Variants in CEMIP2 observed in about 807,000 individuals in gnomAD.
CEMIP2 encodes cell migration inducing hyaluronidase 2.
In CEMIP2, 79 loss-of-function variants were observed where a neutral mutation model predicts 146.9. The ratio of observed to expected loss-of-function variants is 0.54; its 90% CI spans 0.45 to 0.65. CEMIP2 has a LOEUF of 0.65. Ranked by LOEUF, CEMIP2 falls within the 30% of genes least tolerant of loss-of-function variation. The probability of loss-of-function intolerance (pLI) is 0.00; values close to 1 mark genes in which losing one functional copy is unlikely to be tolerated. For missense variants in CEMIP2, 1,596 were observed against 1,696.2 expected, an observed-to-expected ratio of 0.94 and a Z score of 1.04; for synonymous variants, 601 against 606.3, an observed-to-expected ratio of 0.99 and a Z score of 0.13.
chr9:71,703,417 A>G (rs970360702), intron 18 of CEMIP2, among the ~76,000 whole-genome samples: 6 of 152,198 alleles, frequency 3.9e-5, no homozygotes, highest in African/African-American at 1.4e-4. Context: ...AGCCCTAACA[A>G]TCTCAGAACA....
chr9:71,713,653 T>C (rs1370566130), intron 15 of CEMIP2, among the ~76,000 whole-genome samples: 1 of 152,158 alleles, frequency 6.6e-6, no homozygotes, highest in African/African-American at 2.4e-5. Flanking sequence ...ACCATCACAT[T>C]GCAGCCCATA....
At chr9:71,688,580 G>A (rs1042830296) in intron 22 of CEMIP2, among the ~76,000 whole-genome samples, 5 of 151,544 alleles carry the variant, frequency 3.3e-5, no homozygotes, top group African/African-American at 1.2e-4. Context: ...TAGAGATGAG[G>A]TTTCACCATG....
chr9:71,764,914 TCTTC>T (rs1824742547), intron 1 of CEMIP2, among the ~76,000 whole-genome samples: 1 of 139,596 alleles, frequency 7.2e-6, no homozygotes, highest in South Asian at 2.4e-4. Context: ...GCATAGCTTT[TCTTC>T]CTTTTTTTTT....
chr9:71,726,557 T>A (rs1340491966), intron 10 of CEMIP2, among the ~76,000 whole-genome samples: 1 of 152,200 alleles, frequency 6.6e-6, no homozygotes, highest in Non-Finnish European at 1.5e-5. Flanking sequence ...TATTCTCAAA[T>A]AATTCATAGT....
At chr9:71,704,271 G>A (rs1269271756) in intron 18 of CEMIP2, 1 of 282,100 alleles carries the variant, frequency 3.5e-6, no homozygotes, top group Non-Finnish European at 6.8e-6. Context: ...GTAAGCAAAT[G>A]CTCCACTGGA....
At chr9:71,761,496 GGCT>G (rs1564030256) in intron 1 of CEMIP2, among the ~76,000 whole-genome samples, 1 of 152,172 alleles carries the variant, frequency 6.6e-6, no homozygotes, top group African/African-American at 2.4e-5. Flanking sequence ...AATAATCCAA[GGCT>G]GTTCAATCCA....
At chr9:71,751,638 T>C (rs1199372318) in intron 1 of CEMIP2, among the ~76,000 whole-genome samples, 3 of 152,210 alleles carry the variant, frequency 2.0e-5, no homozygotes, top group Non-Finnish European at 4.4e-5. Context: ...CTGGCTCAGC[T>C]GGTGCAAACA....
intron 1 of CEMIP2, among the ~76,000 whole-genome samples, chr9:71,764,023 A>G (rs144490253): frequency 3.9e-5 from 6 of 152,334 alleles, no homozygotes; most frequent in African/African-American, 1.2e-4. Flanking sequence ...ACCTACAGCC[A>G]TAAGTTTTGA....
At chr9:71,714,366 G>GTGATGACGATGA (rs1554682834) in intron 15 of CEMIP2, among the ~76,000 whole-genome samples, 1 of 151,786 alleles carries the variant, frequency 6.6e-6, no homozygotes, top group Non-Finnish European at 1.5e-5. Flanking sequence ...TAATGACTCT[G>GTGATGACGATGA]TGATGATGAT....
intron 4 of CEMIP2, among the ~76,000 whole-genome samples, chr9:71,740,683 A>C (rs1040100636): frequency 1.3e-5 from 2 of 152,230 alleles, no homozygotes; most frequent in Non-Finnish European, 2.9e-5. Context: ...ACCCCATCCC[A>C]GATAAAGGGA....
intron 4 of CEMIP2, among the ~76,000 whole-genome samples, chr9:71,742,940 C>G (rs1016615105): frequency 6.6e-6 from 1 of 152,172 alleles, no homozygotes; most frequent in Non-Finnish European, 1.5e-5. Context: ...TGAGCCTCGG[C>G]CGGGCACATG....
chr9:71,719,422 C>G (rs1355459410), intron 12 of CEMIP2, among the ~76,000 whole-genome samples: 2 of 152,142 alleles, frequency 1.3e-5, no homozygotes, highest in African/African-American at 4.8e-5. Flanking sequence ...AGGTAAAGAT[C>G]TGGGTCTCCA....
At chr9:71,762,195 A>C (rs955922070) in intron 1 of CEMIP2, among the ~76,000 whole-genome samples, 3 of 152,152 alleles carry the variant, frequency 2.0e-5, no homozygotes, top group African/African-American at 7.2e-5. Flanking sequence ...CATCTTACAC[A>C]TTCTCAACAG....
intron 1 of CEMIP2, among the ~76,000 whole-genome samples, chr9:71,762,429 T>G (rs1824661187): frequency 1.4e-5 from 2 of 143,270 alleles, no homozygotes; most frequent in South Asian, 4.3e-4. Flanking sequence ...AAGACTATAG[T>G]GTGCTAGGAC....
At chr9:71,717,536 A>G (rs1050051851) in intron 13 of CEMIP2, among the ~76,000 whole-genome samples, 2 of 152,216 alleles carry the variant, frequency 1.3e-5, no homozygotes, top group South Asian at 2.1e-4. Flanking sequence ...ATATAAGTCA[A>G]CAGATTTACT....
chr9:71,732,664 T>A, intron 6 of CEMIP2, 144 bp from the exon 7 acceptor site: 1 of 369,594 alleles, frequency 2.7e-6, no homozygotes, highest in Non-Finnish European at 4.3e-6. Flanking sequence ...CACTTCAGAA[T>A]CAGAATCCCA....
chr9:71,763,207 A>T (rs1018912408), intron 1 of CEMIP2, among the ~76,000 whole-genome samples: 3 of 152,158 alleles, frequency 2.0e-5, no homozygotes, highest in African/African-American at 7.2e-5. Context: ...TATGTGAAAA[A>T]ATGATTCATT....
At chr9:71,742,381 A>G (rs1564020655) in intron 4 of CEMIP2, among the ~76,000 whole-genome samples, 1 of 152,250 alleles carries the variant, frequency 6.6e-6, no homozygotes, top group Non-Finnish European at 1.5e-5. Context: ...CAGCAACTAT[A>G]AAACAATGTT....
Position 71,685,033 on chromosome 9 carries a change from G to C in CEMIP2, c.*164C>G. On this transcript the variant is annotated 3_prime_UTR_variant, in exon 24 of 24. Transcript: ENST00000377044. ...CATTTTGTACAACTAGAAGGTGCAT[G>C]AAGCTGGTATCCAAGCAATAATTTC... 1.6e-6 allele frequency: 1 copy of C among 608,946 alleles called. No individual in the cohort carries two copies. The highest frequency in any genetic ancestry group is 2.7e-6 in the Non-Finnish European group (1 of 367,146). 37.7% of individuals were successfully genotyped at this position (608,946 alleles called of 1,614,324 possible). A position where few individuals can be genotyped will look rare whatever the true frequency, so the allele number is the denominator to read the frequency against.
Sources: gnomAD v4.1 joint callset for allele counts (sites outside exome capture counted in the v4.1 genomes callset) on GRCh38, gnomAD v4.1.1 for gene constraint, MANE v1.5 for transcripts, NCBI Gene and HGNC (gene_info 2026-07-23, HGNC 2026-07-21) for gene names.